MALRD1: variants seen among roughly 807,000 people sequenced by gnomAD.
MALRD1 encodes the protein MAM and LDL receptor class A domain containing 1, also known as MAM and LDL-receptor class A domain-containing protein 1.
Under a neutral mutation model 242.1 loss-of-function variants are expected in MALRD1, and 247 were observed. The observed-to-expected ratio is 1.02, with a 90% confidence interval of 0.92 to 1.13. MALRD1 has a LOEUF of 1.13. Ranked by LOEUF, MALRD1 falls within the 50% of genes most tolerant of loss-of-function variation. The pLI, the probability that MALRD1 is intolerant of heterozygous loss-of-function variation, is 0.00. For missense variants in MALRD1, 2,989 were observed against 2,533.1 expected, an observed-to-expected ratio of 1.18 and a Z score of -3.86; for synonymous variants, 995 against 866.6, an observed-to-expected ratio of 1.15 and a Z score of -2.60.
At chr10:19,395,617 C>T (rs1161538589) in intron 28 of MALRD1, among the ~76,000 whole-genome samples, 2 of 152,156 alleles carry the variant, frequency 1.3e-5, no homozygotes, top group Non-Finnish European at 2.9e-5. Flanking sequence ...CTAAGTGATT[C>T]TGGGGCCCCA....
intron 4 of MALRD1, among the ~76,000 whole-genome samples, chr10:19,101,744 A>G (rs915320114): frequency 7.3e-6 from 1 of 136,196 alleles, no homozygotes; most frequent in South Asian, 2.3e-4. Flanking sequence ...TATATCACAT[A>G]TATAATATAT....
chr10:19,175,265 A>C lies in MALRD1; in HGVS notation c.1888A>C (p.Ser630Arg). The C allele has an allele frequency of 8.1e-7, 1 of 1,230,606 alleles. No homozygotes were observed. Among genetic ancestry groups the C allele is most frequent in the Non-Finnish European group, 1.0e-6 (1 of 987,228 alleles). 76.2% of individuals were successfully genotyped at this position (1,230,606 alleles called of 1,614,324 possible). The change falls in exon 14 of 40, where the codon AGT becomes CGT. Residue 630 changes from serine (S) to arginine (R), a missense_variant. Transcript: ENST00000454679. ...TGCTACCGTTGCTCTAGATGACATC[A>C]GTGTGTCCCAGGAATGTGAAATTTC... ...SNATVALDDI[S>R]VSQECEISYK...
chr10:19,078,115 T>A (rs1835373835), intron 2 of MALRD1, among the ~76,000 whole-genome samples: 1 of 151,512 alleles, frequency 6.6e-6, no homozygotes, highest in African/African-American at 2.4e-5. Context: ...GGATTTAAAT[T>A]TTTTTTATTT....
intron 10 of MALRD1, among the ~76,000 whole-genome samples, chr10:19,143,386 T>G (rs1215376511): frequency 6.6e-6 from 1 of 152,188 alleles, no homozygotes; most frequent in Admixed American, 6.5e-5. Context: ...TTCACACCAT[T>G]GCCTTGTTGG....
chr10:19,612,872 C>T (rs1838965210), intron 35 of MALRD1, among the ~76,000 whole-genome samples: 1 of 151,954 alleles, frequency 6.6e-6, no homozygotes, highest in South Asian at 2.1e-4. Context: ...GATCCAGTCA[C>T]CTCCCACTAG....
chr10:19,518,267 C>G (rs1833726089), intron 31 of MALRD1, among the ~76,000 whole-genome samples: 1 of 152,136 alleles, frequency 6.6e-6, no homozygotes, highest in African/African-American at 2.4e-5. Flanking sequence ...AGACTAATGG[C>G]CTCCTGCTAA....
chr10:19,340,394 G>C (rs752583946), intron 24 of MALRD1, among the ~76,000 whole-genome samples: 1 of 150,150 alleles, frequency 6.7e-6, no homozygotes, highest in Non-Finnish European at 1.5e-5. Context: ...TCTGTGATTC[G>C]GGTTGAGCTT....
chr10:19,237,645 TTATTATAATTATATA>T (rs1386585733), intron 18 of MALRD1, among the ~76,000 whole-genome samples: 1 of 101,266 alleles, frequency 9.9e-6, no homozygotes, highest in African/African-American at 3.8e-5. Context: ...TATATATAAA[TTATTATAATTATATA>T]TAAATTATAT....
intron 21 of MALRD1, among the ~76,000 whole-genome samples, chr10:19,304,452 G>A (rs557499348): frequency 3.3e-5 from 5 of 151,254 alleles, no homozygotes; most frequent in South Asian, 2.1e-4. Flanking sequence ...TAGCATATCC[G>A]TTTCAAAATT....
chr10:19,530,382 T>TAA (rs71200983), intron 31 of MALRD1, among the ~76,000 whole-genome samples: 4 of 16,538 alleles, frequency 2.4e-4, no homozygotes, highest in Non-Finnish European at 4.8e-4. Context: ...TATATAAATA[T>TAA]TATATATTTA....
intron 28 of MALRD1, among the ~76,000 whole-genome samples, chr10:19,403,176 C>A (rs2130859861): frequency 6.6e-6 from 1 of 152,164 alleles, no homozygotes; most frequent in East Asian, 1.9e-4. Context: ...AAAAAAAAGT[C>A]TAGTTTTGTA....
At chr10:19,387,490 G>A in intron 26 of MALRD1, 38 bp from the exon 27 acceptor site, 2 of 1,538,018 alleles carry the variant, frequency 1.3e-6, no homozygotes, top group Non-Finnish European at 8.8e-7. Flanking sequence ...TGTGTTAGGA[G>A]TGTTCGCTCA....
intron 18 of MALRD1, among the ~76,000 whole-genome samples, chr10:19,213,922 A>G (rs1179134132): frequency 6.6e-6 from 1 of 152,198 alleles, no homozygotes; most frequent in Admixed American, 6.5e-5. Flanking sequence ...TAGTGAGGCA[A>G]GATCCTTCTG....
At chr10:19,362,078 C>T (rs1264055229) in intron 26 of MALRD1, among the ~76,000 whole-genome samples, 1 of 152,118 alleles carries the variant, frequency 6.6e-6, no homozygotes, top group Non-Finnish European at 1.5e-5. Flanking sequence ...TTTGTGCCTA[C>T]AAGCAAGAAG....
At chr10:19,273,690 A>G (rs1840365510) in intron 19 of MALRD1, among the ~76,000 whole-genome samples, 1 of 152,196 alleles carries the variant, frequency 6.6e-6, no homozygotes, top group African/African-American at 2.4e-5. Flanking sequence ...AACTATGGAG[A>G]TAGTAAAAAC....
intron 28 of MALRD1, among the ~76,000 whole-genome samples, chr10:19,392,824 T>G (rs1419311313): frequency 6.6e-6 from 1 of 152,208 alleles, no homozygotes; most frequent in Admixed American, 6.5e-5. Flanking sequence ...CGAATAACAA[T>G]TTTTTAAATA....
At chr10:19,422,333 C>CA (rs1833745667) in intron 28 of MALRD1, among the ~76,000 whole-genome samples, 2 of 152,100 alleles carry the variant, frequency 1.3e-5, no homozygotes, top group Admixed American at 1.3e-4. Flanking sequence ...AAAACAATAA[C>CA]AAAGCTATTG....
chr10:19,119,759 G>A (rs1422639446), intron 5 of MALRD1, among the ~76,000 whole-genome samples: 2 of 152,152 alleles, frequency 1.3e-5, no homozygotes, highest in South Asian at 4.1e-4. Flanking sequence ...AGGCAGTCTA[G>A]TCCCCAGACA....
At chr10:19,247,459 G>T (rs1839110454) in intron 18 of MALRD1, among the ~76,000 whole-genome samples, 1 of 151,754 alleles carries the variant, frequency 6.6e-6, no homozygotes, top group African/African-American at 2.4e-5. Context: ...CAGACCTTAA[G>T]GTCTGTTTAC....
Sources: allele counts gnomAD v4.1 joint callset (sites outside exome capture counted in the v4.1 genomes callset), GRCh38; gene constraint gnomAD v4.1.1; transcripts MANE v1.5; gene names NCBI Gene and HGNC (gene_info 2026-07-23, HGNC 2026-07-21).